Variants in ASAP1 observed in about 807,000 individuals in gnomAD.
The protein encoded by ASAP1 is ArfGAP with SH3 domain, ankyrin repeat and PH domain 1.
Under a neutral mutation model 145.2 loss-of-function variants are expected in ASAP1, and 43 were observed. The ratio of observed to expected loss-of-function variants is 0.30; its 90% CI spans 0.23 to 0.38. The LOEUF (loss-of-function observed/expected upper bound fraction) is 0.38, where lower values mean the gene tolerates loss of function less well. ASAP1 is among the 10% of genes least tolerant of loss of function. The probability of loss-of-function intolerance (pLI) is 1.00; values close to 1 mark genes in which losing one functional copy is unlikely to be tolerated. For missense variants in ASAP1, 1,018 were observed against 1,355.3 expected, an observed-to-expected ratio of 0.75 and a Z score of 3.91; for synonymous variants, 546 against 515.5, an observed-to-expected ratio of 1.06 and a Z score of -0.80.
At chr8:130,320,230 T>C (rs181762588) in intron 3 of ASAP1, among the ~76,000 whole-genome samples, 2 of 152,270 alleles carry the variant, frequency 1.3e-5, no homozygotes, top group African/African-American at 4.8e-5. Context: ...AATGAGCATA[T>C]ATGTCATGTG....
intron 24 of ASAP1, among the ~76,000 whole-genome samples, chr8:130,105,481 G>T (rs2097535419): frequency 6.6e-6 from 1 of 152,168 alleles, no homozygotes; most frequent in Non-Finnish European, 1.5e-5. Flanking sequence ...TTTGTAGCGA[G>T]AACATTTAAA....
intron 15 of ASAP1, among the ~76,000 whole-genome samples, chr8:130,133,548 C>T (rs548703506): frequency 0.017 from 2,528 of 151,770 alleles, 31 homozygotes; most frequent in Non-Finnish European, 0.025. Context: ...CCCAGCTACT[C>T]GGGAGGCTGA....
intron 1 of ASAP1, among the ~76,000 whole-genome samples, chr8:130,415,340 C>T (rs1372209126): frequency 6.6e-6 from 1 of 151,224 alleles, no homozygotes; most frequent in East Asian, 1.9e-4. Context: ...TGGTGGTATA[C>T]ACCTATAGTC....
intron 1 of ASAP1, among the ~76,000 whole-genome samples, chr8:130,434,575 C>T (rs1375205425): frequency 1.3e-5 from 2 of 152,066 alleles, no homozygotes; most frequent in Non-Finnish European, 2.9e-5. Context: ...GTGGTTTTCC[C>T]ACAGCATCAT....
chr8:130,419,502 T>C (rs975522148), intron 1 of ASAP1, among the ~76,000 whole-genome samples: 1 of 152,150 alleles, frequency 6.6e-6, no homozygotes, highest in Admixed American at 6.5e-5. Context: ...ACTACCAGTC[T>C]TGGGGAGATG....
At chr8:130,246,093 T>C (rs2136783403) in intron 3 of ASAP1, among the ~76,000 whole-genome samples, 1 of 152,162 alleles carries the variant, frequency 6.6e-6, no homozygotes, top group African/African-American at 2.4e-5. Context: ...CACTGCGAGT[T>C]GTAAAGGAAG....
intron 2 of ASAP1, among the ~76,000 whole-genome samples, chr8:130,383,220 G>C (rs1243959104): frequency 2.0e-5 from 3 of 152,176 alleles, no homozygotes; most frequent in African/African-American, 7.2e-5. Context: ...TCACTTCTCA[G>C]AATTCTCCCC....
At chr8:130,284,628 C>CCACA (rs201124127) in intron 3 of ASAP1, among the ~76,000 whole-genome samples, 5,281 of 152,096 alleles carry the variant, frequency 0.035, 122 homozygotes, top group Middle Eastern at 0.065. Context: ...TGACAATGAA[C>CCACA]CACAGAGACC....
chr8:130,398,608 G>A (rs1828640036), intron 2 of ASAP1, among the ~76,000 whole-genome samples: 2 of 152,270 alleles, frequency 1.3e-5, no homozygotes, highest in South Asian at 4.1e-4. Context: ...AAGTACTAGA[G>A]AGATACTACT....
intron 15 of ASAP1, among the ~76,000 whole-genome samples, chr8:130,130,053 T>C (rs945425752): frequency 5.3e-5 from 8 of 152,236 alleles, no homozygotes; most frequent in Admixed American, 2.0e-4. Context: ...TCTATTTCGC[T>C]TTCCTCAGGC....
At chr8:130,125,114 A>G (rs1211193842) in intron 17 of ASAP1, among the ~76,000 whole-genome samples, 1 of 152,078 alleles carries the variant, frequency 6.6e-6, no homozygotes, top group Non-Finnish European at 1.5e-5. Flanking sequence ...CTTTTTTTTG[A>G]GCCCAGGTTC....
chr8:130,344,262 G>A (rs776881633), intron 3 of ASAP1, among the ~76,000 whole-genome samples: 1 of 152,092 alleles, frequency 6.6e-6, no homozygotes, highest in Non-Finnish European at 1.5e-5. Context: ...ATACAGATCC[G>A]TTTAAATAAA....
intron 9 of ASAP1, among the ~76,000 whole-genome samples, chr8:130,173,430 C>T (rs559979572): frequency 2.0e-5 from 3 of 152,236 alleles, no homozygotes; most frequent in East Asian, 1.9e-4. Context: ...CTCTGTTCCT[C>T]CTTTCTCTCT....
At chr8:130,428,338 C>A (rs183630500) in intron 1 of ASAP1, among the ~76,000 whole-genome samples, 5 of 149,770 alleles carry the variant, frequency 3.3e-5, no homozygotes, top group Non-Finnish European at 7.4e-5. Context: ...TAAATTAAAG[C>A]CACAGGACTA....
chr8:130,271,697 C>T (rs1029460304), intron 3 of ASAP1, among the ~76,000 whole-genome samples: 1 of 152,194 alleles, frequency 6.6e-6, no homozygotes, highest in Non-Finnish European at 1.5e-5. Context: ...TGATCACCCA[C>T]TGAACTAAAC....
intron 15 of ASAP1, among the ~76,000 whole-genome samples, chr8:130,131,850 T>C (rs949896499): frequency 3.3e-5 from 5 of 152,170 alleles, no homozygotes; most frequent in East Asian, 1.9e-4. Flanking sequence ...GGGTGGGCCA[T>C]GTAATTCTTT....
At chr8:130,138,527 G>C (rs2097600820) in intron 13 of ASAP1, among the ~76,000 whole-genome samples, 1 of 152,170 alleles carries the variant, frequency 6.6e-6, no homozygotes, top group Non-Finnish European at 1.5e-5. Context: ...TTGTGGGCCT[G>C]CAAGTTTTTC....
At chr8:130,180,059 A>AG (rs1351241282) in intron 8 of ASAP1, among the ~76,000 whole-genome samples, 29 of 132,662 alleles carry the variant, frequency 2.2e-4, no homozygotes, top group Non-Finnish European at 1.7e-4. Flanking sequence ...GGAGGGAGGG[A>AG]GGAGAAGGGG....
chr8:130,369,165 A>G (rs1316452064), intron 2 of ASAP1, among the ~76,000 whole-genome samples: 2 of 152,260 alleles, frequency 1.3e-5, no homozygotes, highest in African/African-American at 4.8e-5. Flanking sequence ...CTTATCTGAA[A>G]TGCTTGGGAC....
Sources: gnomAD v4.1 joint callset for allele counts (sites outside exome capture counted in the v4.1 genomes callset) on GRCh38, gnomAD v4.1.1 for gene constraint, MANE v1.5 for transcripts, NCBI Gene and HGNC (gene_info 2026-07-23, HGNC 2026-07-21) for gene names.